The following NLGN1 variants were observed in gnomAD, a reference collection of about 807,000 sequenced individuals.
The protein encoded by NLGN1 is neuroligin 1.
NLGN1 carries 12 observed loss-of-function variants against 65.5 expected under a neutral mutation model. That is an observed-to-expected ratio of 0.18 (90% CI 0.12 to 0.30). The LOEUF (loss-of-function observed/expected upper bound fraction) is 0.30. Ranked by LOEUF, NLGN1 falls within the 10% of genes least tolerant of loss-of-function variation. NLGN1 has a pLI of 1.00. For synonymous variants in NLGN1, 350 were observed against 359.5 expected (o/e 0.97, Z 0.30); for missense variants, 750 against 1,007.1 (o/e 0.74, Z 3.46).
At chr3:174,195,630 C>A (rs998166221) in intron 4 of NLGN1, among the ~76,000 whole-genome samples, 1 of 152,080 alleles carries the variant, frequency 6.6e-6, no homozygotes, top group Non-Finnish European at 1.5e-5. Flanking sequence ...CCAATGCAGC[C>A]GAAGTGTCTG....
At chr3:174,073,740 A>T (rs1250985818) in intron 4 of NLGN1, among the ~76,000 whole-genome samples, 1 of 152,202 alleles carries the variant, frequency 6.6e-6, no homozygotes, top group Non-Finnish European at 1.5e-5. Context: ...GAATATGATG[A>T]TAGAGCAGAC....
chr3:174,033,143 G>A (rs1035065096), intron 4 of NLGN1, among the ~76,000 whole-genome samples: 5 of 152,002 alleles, frequency 3.3e-5, no homozygotes, highest in East Asian at 1.9e-4. Flanking sequence ...CTGTACCACC[G>A]CGCCACGGGG....
chr3:174,164,852 A>G (rs549829109), intron 4 of NLGN1, among the ~76,000 whole-genome samples: 8 of 151,746 alleles, frequency 5.3e-5, no homozygotes, highest in Non-Finnish European at 8.9e-5. Context: ...TGACATTCCA[A>G]TGCTGTGTAA....
At chr3:173,690,357 A>G (rs1297304772) in intron 3 of NLGN1, among the ~76,000 whole-genome samples, 1 of 152,146 alleles carries the variant, frequency 6.6e-6, no homozygotes, top group Non-Finnish European at 1.5e-5. Flanking sequence ...TCTAGGCATT[A>G]TAATTTTTAT....
At chr3:173,439,569 A>G (rs1718780388) in intron 2 of NLGN1, among the ~76,000 whole-genome samples, 3 of 151,526 alleles carry the variant, frequency 2.0e-5, no homozygotes, top group Admixed American at 6.6e-5. Context: ...CCTTGGATAT[A>G]TTGTAGGTTT....
At chr3:173,938,725 G>T (rs1745470964) in intron 4 of NLGN1, among the ~76,000 whole-genome samples, 1 of 152,086 alleles carries the variant, frequency 6.6e-6, no homozygotes, top group Admixed American at 6.6e-5. Context: ...CTCCAGATTA[G>T]AGGAGGCCCT....
At chr3:174,035,679 G>A (rs994615273) in intron 4 of NLGN1, among the ~76,000 whole-genome samples, 9 of 152,282 alleles carry the variant, frequency 5.9e-5, no homozygotes, top group East Asian at 3.9e-4. Context: ...CAAACACCTC[G>A]TCCTACAGAG....
intron 4 of NLGN1, among the ~76,000 whole-genome samples, chr3:173,951,643 A>G (rs1347721342): frequency 6.6e-6 from 1 of 151,754 alleles, no homozygotes; most frequent in Non-Finnish European, 1.5e-5. Flanking sequence ...TTGTATTTTT[A>G]GTAGAGATGG....
intron 4 of NLGN1, among the ~76,000 whole-genome samples, chr3:173,906,841 C>G (rs1356430178): frequency 8.6e-6 from 1 of 116,460 alleles, no homozygotes; most frequent in Non-Finnish European, 1.7e-5. Context: ...GCATGGCTAA[C>G]ATAGTGAGAC....
intron 2 of NLGN1, among the ~76,000 whole-genome samples, chr3:173,574,398 A>C (rs1279676212): frequency 2.0e-5 from 3 of 151,976 alleles, no homozygotes; most frequent in African/African-American, 7.2e-5. Flanking sequence ...ACACAGAGAG[A>C]AAATAGATGT....
intron 4 of NLGN1, among the ~76,000 whole-genome samples, chr3:173,879,651 T>C (rs1338322458): frequency 1.3e-5 from 2 of 151,902 alleles, no homozygotes; most frequent in African/African-American, 4.8e-5. Flanking sequence ...TTTTTTTTTA[T>C]CTAATTTGGA....
intron 3 of NLGN1, among the ~76,000 whole-genome samples, chr3:173,718,147 G>A (rs1350506955): frequency 6.6e-6 from 1 of 151,894 alleles, no homozygotes; most frequent in East Asian, 1.9e-4. Flanking sequence ...TCCTTGTGTT[G>A]GGAACATTTT....
At chr3:173,890,997 A>G (rs957826950) in intron 4 of NLGN1, among the ~76,000 whole-genome samples, 1 of 152,198 alleles carries the variant, frequency 6.6e-6, no homozygotes, top group Non-Finnish European at 1.5e-5. Context: ...TATGGACTGA[A>G]GACAAGTGGA....
intron 3 of NLGN1, among the ~76,000 whole-genome samples, chr3:173,760,517 TAA>T (rs1777817846): frequency 6.6e-6 from 1 of 151,984 alleles, no homozygotes; most frequent in Admixed American, 6.6e-5. Context: ...TGAATGAAGT[TAA>T]ACCAAAAAAT....
chr3:173,501,438 G>A lies in NLGN1; in HGVS notation c.-321+66360G>A, dbSNP rs575225789. ...GTAATAATTACTTTGTAAGAACCTA[G>A]CAAATTTTGATAAGCAAACATCTAA... On this transcript the variant is annotated intron_variant, in intron 2 of 6. Coordinates refer to ENST00000457714, the Ensembl canonical transcript of NLGN1. 2.0e-5 allele frequency among the ~76,000 whole-genome samples: 3 copies of A among 152,164 alleles called. No homozygotes were observed. In the East Asian group the frequency reaches 5.8e-4, roughly 29 times the overall value.
chr3:173,860,379 A>G (rs1341696183), intron 4 of NLGN1, among the ~76,000 whole-genome samples: 3 of 152,034 alleles, frequency 2.0e-5, no homozygotes, highest in Admixed American at 2.0e-4. Context: ...AATTTTTTAC[A>G]TTTCTAATTT....
chr3:174,215,883 G>A (rs1021960125), intron 4 of NLGN1, among the ~76,000 whole-genome samples: 8 of 151,984 alleles, frequency 5.3e-5, no homozygotes, highest in Non-Finnish European at 8.8e-5. Flanking sequence ...CCTCCCAGTG[G>A]GACAACCTTC....
intron 3 of NLGN1, among the ~76,000 whole-genome samples, chr3:173,763,842 G>A (rs1367567221): frequency 6.6e-6 from 1 of 152,024 alleles, no homozygotes; most frequent in Non-Finnish European, 1.5e-5. Flanking sequence ...GAAACAATAT[G>A]AGGAATGTTA....
intron 3 of NLGN1, among the ~76,000 whole-genome samples, chr3:173,717,370 T>G (rs1039448874): frequency 1.3e-5 from 2 of 152,186 alleles, no homozygotes; most frequent in Non-Finnish European, 2.9e-5. Context: ...TGTCCATTTT[T>G]TACAAAAGAA....
Sources: allele counts gnomAD v4.1 joint callset (sites outside exome capture counted in the v4.1 genomes callset), GRCh38; gene constraint gnomAD v4.1.1; transcripts MANE v1.5; gene names NCBI Gene and HGNC (gene_info 2026-07-23, HGNC 2026-07-21).